The following KLK8 variants were observed in gnomAD, a reference collection of about 807,000 sequenced individuals.
KLK8 encodes the protein kallikrein-8.
KLK8 carries 18 observed loss-of-function variants against 26.7 expected under a neutral mutation model. The ratio of observed to expected loss-of-function variants is 0.67; its 90% CI spans 0.47 to 1.00. The LOEUF is 1.00. Ranked by LOEUF, KLK8 falls within the 50% of genes least tolerant of loss-of-function variation. The pLI is 0.00. For synonymous variants in KLK8, 137 were observed against 127.1 expected (o/e 1.08, Z -0.52); for missense variants, 301 against 331.7 (o/e 0.91, Z 0.72).
intron 5 of KLK8, 126 bp from the exon 5 acceptor site, chr19:50,998,010 C>A: frequency 1.7e-6 from 2 of 1,182,740 alleles, no homozygotes; most frequent in East Asian, 2.4e-5. Context: ...GGGGAATTTT[C>A]TGACACTGTG....
chr19:50,996,248 G>C, intron 6 of KLK8, 34 bp from the exon 6 acceptor site: 2 of 1,605,928 alleles, frequency 1.2e-6, no homozygotes, highest in Non-Finnish European at 8.5e-7. Flanking sequence ...CCTTGCATCT[G>C]AGATGTCCAC....
intron 6 of KLK8, 102 bp from the exon 6 acceptor site, chr19:50,996,316 C>CT: frequency 7.6e-7 from 1 of 1,314,524 alleles, no homozygotes; most frequent in Non-Finnish European, 1.1e-6. Flanking sequence ...GATTGGTCCC[C>CT]TGTAGCCAAT....
chr19:50,997,803 A>G, exon 6 of KLK8: 1 of 1,614,112 alleles, frequency 6.2e-7, no homozygotes, highest in Non-Finnish European at 8.5e-7. Flanking sequence ...GCCATCTGTG[A>G]TCTGCCCCGG....
intron 6 of KLK8, among the ~76,000 whole-genome samples, chr19:50,997,334 G>A (rs74790124): frequency 0.039 from 5,893 of 152,082 alleles, 222 homozygotes; most frequent in African/African-American, 0.093. Flanking sequence ...ATTCTAGCCC[G>A]GTCTCAAAGA....
rs56988162 is a variant in KLK8, at chr19:50,999,583, CAAAAAAAAAAAAAAAAAAAA to C, written c.493+393_493+412del. On this transcript the variant is annotated intron_variant, in intron 5 of 6. Transcript: ENST00000600767. ...GATTGAGTGAAACTGTGTCCCCCTG[CAAAAAAAAAAAAAAAAAAAA>C]AAAAAAAAAAAAAAAAAAAAAGGAG... is the stretch of plus-strand genomic sequence containing the variant. 2.3e-3 allele frequency among the ~76,000 whole-genome samples: 70 copies of C among 30,294 alleles called. 1 individual carries two copies. In the East Asian group the frequency reaches 0.065, roughly 28 times the overall value. 19.9% of individuals were successfully genotyped at this position (30,294 alleles called of 152,430 possible).
chr19:51,000,175 G>A, exon 5 of KLK8: 1 of 1,612,672 alleles, frequency 6.2e-7, no homozygotes, highest in Non-Finnish European at 8.5e-7. Context: ...GCAGGGGTGT[G>A]GGATGGACTG....
In KLK8 at chr19:51,000,575, T is replaced by C. The variant is rs1394146825; in HGVS notation, c.79A>G (p.Arg27Gly). 7 of 1,613,862 alleles carry C rather than the reference T, an allele frequency of 4.3e-6. No homozygotes were observed. The Admixed American group carries it at 5.0e-5, about 12-fold the overall frequency. The change falls in exon 4 of 7, where the codon AGG (arginine) becomes GGG (glycine). Residue 27 changes from arginine to glycine, a missense_variant. Physicochemically the swap from Arg to Gly is moderately radical, Grantham distance 125 (BLOSUM62 -2). Transcript: ENST00000600767. The stretch of plus-strand genomic sequence containing the variant: ...CCCAGCACCTTGTCCTCCTGTGCCC[T>C]GGAGTGTCCTGCAGCAGGAGGGAGA...
At chr19:50,996,172 C>G in exon 7 of KLK8, 1 of 1,614,196 alleles carries the variant, frequency 6.2e-7, no homozygotes, top group South Asian at 1.1e-5. Flanking sequence ...GATGTGATGC[C>G]CTGGAGTGCA....
chr19:50,997,835 C>T (rs1247802692), exon 6 of KLK8: 2 of 1,614,052 alleles, frequency 1.2e-6, no homozygotes, highest in Non-Finnish European at 1.7e-6. Context: ...CACACTTCTT[C>T]TGGGGAAAGA....
At chr19:51,001,335 G>A (rs1205089339) in intron 2 of KLK8, among the ~76,000 whole-genome samples, 160 bp from the exon 2 acceptor site, 1 of 152,090 alleles carries the variant, frequency 6.6e-6, no homozygotes, top group African/African-American at 2.4e-5. Flanking sequence ...ACATTCCAAG[G>A]GAGGGGGGAG....
At chr19:50,998,112 G>A (rs534644507) in intron 5 of KLK8, 56 of 537,636 alleles carry the variant, frequency 1.0e-4, no homozygotes, top group South Asian at 6.4e-4. Context: ...TGGATCTCAC[G>A]TGTTTTTTCT....
exon 5 of KLK8, chr19:51,000,017 C>T: frequency 6.2e-7 from 1 of 1,600,278 alleles, no homozygotes; most frequent in Non-Finnish European, 8.6e-7. Flanking sequence ...GTGACAGTGC[C>T]CCAGCCTGAG....
intron 6 of KLK8, among the ~76,000 whole-genome samples, chr19:50,997,259 G>A (rs1415005862): frequency 1.3e-5 from 2 of 152,134 alleles, no homozygotes; most frequent in Non-Finnish European, 2.9e-5. Flanking sequence ...ATTTACTCCA[G>A]CCAACTGGGA....
intron 6 of KLK8, 85 bp downstream of exon 5, chr19:50,997,666 T>A: frequency 2.7e-6 from 4 of 1,497,106 alleles, no homozygotes; most frequent in Non-Finnish European, 3.7e-6. Flanking sequence ...GGTCACTCCC[T>A]TACCACCCCC....
chr19:50,997,163 C>T (rs1378893012), intron 6 of KLK8, among the ~76,000 whole-genome samples: 1 of 152,080 alleles, frequency 6.6e-6, no homozygotes, highest in Non-Finnish European at 1.5e-5. Context: ...AACGAAGTTG[C>T]AGTTAGAAGA....
chr19:51,000,786 C>T, intron 3 of KLK8: 2 of 1,456,030 alleles, frequency 1.4e-6, no homozygotes, highest in Non-Finnish European at 1.8e-6. Flanking sequence ...CAAGAATGCC[C>T]CCACATGCTT....
intron 6 of KLK8, 112 bp from the exon 6 acceptor site, chr19:50,996,326 T>TG: frequency 1.7e-6 from 2 of 1,164,636 alleles, no homozygotes; most frequent in Non-Finnish European, 2.5e-6. Flanking sequence ...CTGTAGCCAA[T>TG]GGGGGTAAAA....
intron 5 of KLK8, among the ~76,000 whole-genome samples, chr19:50,999,472 G>A (rs1160907817): frequency 6.6e-6 from 1 of 150,652 alleles, no homozygotes; most frequent in South Asian, 2.1e-4. Flanking sequence ...CCAGCTACTC[G>A]GGAGGCTGAG....
At chr19:50,999,637 G>A (rs2091202314) in intron 5 of KLK8, among the ~76,000 whole-genome samples, 1 of 144,548 alleles carries the variant, frequency 6.9e-6, no homozygotes, top group Non-Finnish European at 1.5e-5. Flanking sequence ...AGGGAGGTGG[G>A]GGAGAAGGTG....
Sources: allele counts gnomAD v4.1 joint callset (sites outside exome capture counted in the v4.1 genomes callset), GRCh38; gene constraint gnomAD v4.1.1; transcripts MANE v1.5; gene names NCBI Gene and HGNC (gene_info 2026-07-23, HGNC 2026-07-21).